Variants in CTNND2 observed in about 807,000 individuals in gnomAD.
CTNND2 encodes catenin delta-2.
Under a neutral mutation model 144.4 loss-of-function variants are expected in CTNND2, and 22 were observed. The ratio of observed to expected loss-of-function variants is 0.15; its 90% CI spans 0.11 to 0.22. The LOEUF is 0.22. CTNND2 is among the 10% of genes least tolerant of loss of function. The pLI is 1.00. For missense variants in CTNND2, 1,353 were observed against 1,618.8 expected (o/e 0.84, Z 2.82); for synonymous variants, 751 against 695.6 (o/e 1.08, Z -1.25).
At chr5:11,007,562 T>C (rs1225791454) in intron 18 of CTNND2, among the ~76,000 whole-genome samples, 5 of 152,276 alleles carry the variant, frequency 3.3e-5, no homozygotes, top group Non-Finnish European at 7.3e-5. Context: ...TTGTTGCTAA[T>C]GTTCTTATAT....
chr5:11,439,244 G>T (rs984104627), intron 3 of CTNND2, among the ~76,000 whole-genome samples: 1 of 152,122 alleles, frequency 6.6e-6, no homozygotes, highest in Non-Finnish European at 1.5e-5. Flanking sequence ...TCACTGTTCA[G>T]CATGCTTGAA....
At chr5:11,505,686 G>T (rs561390654) in intron 3 of CTNND2, among the ~76,000 whole-genome samples, 1 of 151,804 alleles carries the variant, frequency 6.6e-6, no homozygotes, top group Admixed American at 6.6e-5. Context: ...TTTTTCATTC[G>T]CACCCCAAGT....
At chr5:11,656,948 C>G (rs1306806291) in intron 2 of CTNND2, among the ~76,000 whole-genome samples, 3 of 152,096 alleles carry the variant, frequency 2.0e-5, no homozygotes, top group Non-Finnish European at 4.4e-5. Flanking sequence ...TCAACAAACG[C>G]TCTAAGGGCT....
chr5:11,672,812 C>T (rs1783971962), intron 2 of CTNND2, among the ~76,000 whole-genome samples: 1 of 152,044 alleles, frequency 6.6e-6, no homozygotes, highest in Admixed American at 6.6e-5. Flanking sequence ...CAGAGTGTTC[C>T]GTTCCTCCCA....
intron 10 of CTNND2, among the ~76,000 whole-genome samples, chr5:11,223,570 T>C (rs993809943): frequency 1.4e-4 from 22 of 152,188 alleles, no homozygotes; most frequent in African/African-American, 5.1e-4. Flanking sequence ...CCTAGAGAGA[T>C]TAGCTCTTCT....
chr5:11,269,134 T>C (rs1200089624), intron 9 of CTNND2, among the ~76,000 whole-genome samples: 1 of 152,018 alleles, frequency 6.6e-6, no homozygotes, highest in African/African-American at 2.4e-5. Flanking sequence ...CTACATTAGC[T>C]CCCCGGGATT....
intron 2 of CTNND2, among the ~76,000 whole-genome samples, chr5:11,660,653 A>C (rs1297127214): frequency 1.3e-5 from 2 of 152,146 alleles, no homozygotes; most frequent in Non-Finnish European, 2.9e-5. Flanking sequence ...GTTGAGAAAG[A>C]GAAGATGGTG....
In CTNND2 at chr5:11,446,760, G is replaced by C. The variant is rs367714082; in HGVS notation, c.288-34691C>G. 1.7e-3 allele frequency among the ~76,000 whole-genome samples: 253 copies of C among 152,240 alleles called. 2 individuals are homozygous for C. The highest frequency in any genetic ancestry group is 5.9e-3 in the African/African-American group (244 of 41,522). Reference sequence around the variant, plus strand: ...ATGCACCTGGGCCGGCCCCTGCAGAGAGAAGATGAGTTACAGAAGGAGCAA... The same window carrying C: ...ATGCACCTGGGCCGGCCCCTGCAGACAGAAGATGAGTTACAGAAGGAGCAA... On this transcript the variant is annotated intron_variant, in intron 3 of 21. Transcript: ENST00000304623.
At chr5:11,792,557 C>T (rs890882448) in intron 1 of CTNND2, among the ~76,000 whole-genome samples, 8 of 152,132 alleles carry the variant, frequency 5.3e-5, no homozygotes, top group African/African-American at 7.2e-5. Flanking sequence ...CAAGCATGAA[C>T]GCTTTCAAAT....
chr5:11,492,757 T>G (rs1373243646), intron 3 of CTNND2, among the ~76,000 whole-genome samples: 1 of 152,062 alleles, frequency 6.6e-6, no homozygotes, highest in African/African-American at 2.4e-5. Flanking sequence ...TATTTATTCA[T>G]GCAATTATTC....
At chr5:11,646,146 T>G (rs1043448118) in intron 2 of CTNND2, among the ~76,000 whole-genome samples, 1 of 152,168 alleles carries the variant, frequency 6.6e-6, no homozygotes, top group African/African-American at 2.4e-5. Flanking sequence ...CATGAGCCCA[T>G]GGGCCCTCCC....
intron 1 of CTNND2, among the ~76,000 whole-genome samples, chr5:11,767,073 C>A (rs1049361124): frequency 2.6e-5 from 4 of 152,066 alleles, no homozygotes; most frequent in Admixed American, 6.6e-5. Context: ...GTTAGTACAC[C>A]AGCAGCATTA....
intron 13 of CTNND2, among the ~76,000 whole-genome samples, chr5:11,115,384 G>A (rs769264040): frequency 8.5e-5 from 13 of 152,194 alleles, no homozygotes; most frequent in Non-Finnish European, 1.0e-4. Flanking sequence ...GGTCCAGCTA[G>A]TATCAAAGCT....
chr5:11,365,411 A>C (rs1269246371), intron 7 of CTNND2, among the ~76,000 whole-genome samples: 1 of 152,224 alleles, frequency 6.6e-6, no homozygotes, highest in Non-Finnish European at 1.5e-5. Flanking sequence ...CAACAGCCTA[A>C]ATCCCCGAGA....
In CTNND2 at chr5:11,485,410, T is replaced by TC. The variant is rs1198715306; in HGVS notation, c.288-73342dup. Among the ~76,000 whole-genome samples, 196 of 150,380 alleles carry TC rather than the reference T, an allele frequency of 1.3e-3. 1 individual carries two copies. The highest frequency in any genetic ancestry group is 4.7e-3 in the African/African-American group (190 of 40,326). Reference sequence around the variant, plus strand: ...GCGTGCGCGCGCACATTCAATGCAATCCCCCCAAAATATCTATTTTAATTC... The same window carrying TC: ...GCGTGCGCGCGCACATTCAATGCAATCCCCCCCAAAATATCTATTTTAATTC... On this transcript the variant is annotated intron_variant, in intron 3 of 21. Coordinates refer to ENST00000304623, the MANE Select transcript of CTNND2 (RefSeq NM_001332.4).
At chr5:11,283,011 C>G (rs1007768164) in intron 9 of CTNND2, among the ~76,000 whole-genome samples, 3 of 152,202 alleles carry the variant, frequency 2.0e-5, no homozygotes, top group African/African-American at 7.2e-5. Context: ...TCAGCTGACT[C>G]AAGCTCAGCC....
rs539298366 is a variant in CTNND2, at chr5:11,893,776, T to C, written c.37+10041A>G. The stretch of plus-strand genomic sequence containing the variant: ...AGTACACCCCATGGATCCCCTCAAC[T>C]GCTGCAACAGGAAATATGGTGTCAC... On this transcript the variant is annotated intron_variant, in intron 1 of 21. Coordinates refer to ENST00000304623, the MANE Select transcript of CTNND2 (RefSeq NM_001332.4). 2.7e-4 allele frequency among the ~76,000 whole-genome samples: 41 copies of C among 152,256 alleles called. No homozygotes were observed. The South Asian group carries it at 8.5e-3, about 32-fold the overall frequency.
intron 11 of CTNND2, among the ~76,000 whole-genome samples, chr5:11,161,023 T>C (rs978851243): frequency 2.6e-5 from 4 of 152,236 alleles, no homozygotes; most frequent in African/African-American, 4.8e-5. Context: ...GGAAATTTTA[T>C]TGAAGTGAAT....
intron 19 of CTNND2, among the ~76,000 whole-genome samples, chr5:10,991,179 CG>C (rs1280459827): frequency 2.0e-5 from 3 of 152,150 alleles, no homozygotes; most frequent in Non-Finnish European, 2.9e-5. Flanking sequence ...GAGCTGGGAG[CG>C]GGCCATTTAT....
Sources: allele counts gnomAD v4.1 joint callset (sites outside exome capture counted in the v4.1 genomes callset), GRCh38; gene constraint gnomAD v4.1.1; transcripts MANE v1.5; gene names NCBI Gene and HGNC (gene_info 2026-07-23, HGNC 2026-07-21).